Variants in CARD6 observed in about 807,000 individuals in gnomAD.
CARD6 encodes caspase recruitment domain family member 6.
A neutral mutation model predicts 23.6 loss-of-function variants in CARD6; 27 were observed. The ratio of observed to expected loss-of-function variants is 1.14; its 90% CI spans 0.84 to 1.58. CARD6 has a LOEUF of 1.58. Ranked by LOEUF, CARD6 falls within the 40% of genes most tolerant of loss-of-function variation. CARD6 has a pLI of 0.00. For synonymous variants in CARD6, 397 were observed against 431.8 expected (o/e 0.92, Z 1.00); for missense variants, 1,214 against 1,209.9 (o/e 1.00, Z -0.05).
intron 2 of CARD6, among the ~76,000 whole-genome samples, chr5:40,851,460 A>T (rs908197897): frequency 6.6e-6 from 1 of 152,184 alleles, no homozygotes; most frequent in South Asian, 2.1e-4. Context: ...CTAAAAACGA[A>T]GCTGACTTGC....
chr5:40,849,899 G>A (rs1469143486), intron 2 of CARD6, among the ~76,000 whole-genome samples: 2 of 151,976 alleles, frequency 1.3e-5, no homozygotes, highest in East Asian at 3.9e-4. Context: ...AGGATCACCT[G>A]AACCCAGGAA....
In CARD6 at chr5:40,853,894, C is replaced by T. The variant is rs1345365990; in HGVS notation, c.2562C>T (p.Ser854=). ...CCTCCAAGATAGGTCACTCCTATTC[C>T]CTGGATTCACAGCCAGCAAGAGCAG... is the stretch of plus-strand genomic sequence containing the variant. The part of the protein sequence containing the change: ...AVASKIGHSY[S]LDSQPARAVG... Residue 854 remains serine (S), a synonymous_variant, in exon 3 of 3, where the codon TCC becomes TCT. Coordinates refer to ENST00000254691, the MANE Select transcript of CARD6 (RefSeq NM_032587.4). 3.1e-6 allele frequency: 5 copies of T among 1,614,022 alleles called. No homozygotes were observed. In the African/African-American group the frequency reaches 6.7e-5, roughly 22 times the overall value.
At chr5:40,845,946 GGTT>G (rs1457791673) in intron 2 of CARD6, among the ~76,000 whole-genome samples, 1 of 151,934 alleles carries the variant, frequency 6.6e-6, no homozygotes, top group Non-Finnish European at 1.5e-5. Context: ...GTGATGAGGT[GGTT>G]GAAGGCTGGT....
intron 2 of CARD6, among the ~76,000 whole-genome samples, chr5:40,850,432 A>AAAAAAAAAAAC (rs1746044417): frequency 6.8e-6 from 1 of 146,142 alleles, no homozygotes; most frequent in African/African-American, 2.5e-5. Context: ...AAAAAAAAAA[A>AAAAAAAAAAAC]AGCCAGGCAC....
chr5:40,843,121 T>C (rs371287094), intron 1 of CARD6, 31 bp from the exon 2 acceptor site: 2 of 1,474,840 alleles, frequency 1.4e-6, no homozygotes, highest in East Asian at 2.3e-5. Context: ...TTCTTTTTCT[T>C]AATTGGGAAA....
In CARD6 at chr5:40,853,923, G is replaced by A. The variant is rs771407894; in HGVS notation, c.2591G>A (p.Gly864Glu). Reference sequence around the variant, plus strand: ...GATTCACAGCCAGCAAGAGCAGTAGGGAAGCCATGGCCTCAGCAAGCTTGC... The same window carrying A: ...GATTCACAGCCAGCAAGAGCAGTAGAGAAGCCATGGCCTCAGCAAGCTTGC... ...SLDSQPARAV[G>E]KPWPQQACTR... The change falls in exon 3 of 3, where the codon GGG becomes GAG. Residue 864 changes from glycine (G) to glutamate (E), a missense_variant. Coordinates refer to ENST00000254691, the MANE Select transcript of CARD6 (RefSeq NM_032587.4). The A allele has an allele frequency of 1.2e-6, 2 of 1,614,148 alleles. No homozygotes were observed. The highest frequency in any genetic ancestry group is 1.7e-5 in the Admixed American group (1 of 60,012).
In CARD6 at chr5:40,853,928, C is replaced by T. The variant is rs1313573917; in HGVS notation, c.2596C>T (p.Pro866Ser). The T allele has an allele frequency of 5.0e-6, 8 of 1,614,180 alleles. No homozygotes were observed. Among genetic ancestry groups the T allele is most frequent in the Non-Finnish European group, 6.8e-6 (8 of 1,180,038 alleles). The stretch of plus-strand genomic sequence containing the variant: ...ACAGCCAGCAAGAGCAGTAGGGAAG[C>T]CATGGCCTCAGCAAGCTTGCACCAG... ...DSQPARAVGK[P>S]WPQQACTRVT... The change falls in exon 3 of 3, where the codon CCA becomes TCA. Residue 866 changes from proline to serine, a missense_variant. By Grantham distance (74) the Pro-to-Ser change is moderately conservative. Transcript: ENST00000254691.
At chr5:40,851,046 A>G (rs1200162677) in intron 2 of CARD6, among the ~76,000 whole-genome samples, 1 of 152,166 alleles carries the variant, frequency 6.6e-6, no homozygotes, top group Non-Finnish European at 1.5e-5. Context: ...AAAAAAAAAT[A>G]GCATGGGCTG....
chr5:40,845,909 G>T (rs74866585), intron 2 of CARD6, among the ~76,000 whole-genome samples: 2 of 152,214 alleles, frequency 1.3e-5, no homozygotes, highest in East Asian at 3.9e-4. Flanking sequence ...AGTTCTGCTG[G>T]TCTTCCCTGG....
chr5:40,848,426 G>C (rs11952181), intron 2 of CARD6, among the ~76,000 whole-genome samples: 1 of 152,010 alleles, frequency 6.6e-6, no homozygotes, highest in African/African-American at 2.4e-5. Context: ...ATGTTGCCCA[G>C]GCTGGTTTTG....
rs1379901533 is a variant in CARD6, at chr5:40,852,340, A to C, written c.1008A>C (p.Arg336=). ...ATTTCCTGATGAAAGTTCAAGCACG[A>C]GATGTGACGGCTAGGGATTCAATCC... The part of the protein sequence containing the change: ...AWNFLMKVQA[R]DVTARDSILS... The change falls in exon 3 of 3, where the codon CGA becomes CGC. Residue 336 remains arginine, a synonymous_variant. Transcript: ENST00000254691. 6.2e-7 allele frequency: 1 copy of C among 1,614,140 alleles called. No individual in the cohort carries two copies. Among genetic ancestry groups the C allele is most frequent in the Admixed American group, 1.7e-5 (1 of 60,012 alleles).
intron 2 of CARD6, among the ~76,000 whole-genome samples, chr5:40,850,413 C>A (rs371446455): frequency 5.8e-3 from 214 of 36,588 alleles, no homozygotes; most frequent in South Asian, 0.016. Context: ...CACTCCATCT[C>A]AAAAAAAAAA....
rs1746139252 is a variant in CARD6 at position 40,854,011 on chromosome 5, G to C, written c.2679G>C (p.Lys893Asn). 2 of 1,614,056 alleles carry C rather than the reference G, an allele frequency of 1.2e-6. No individual in the cohort carries two copies. Among genetic ancestry groups the C allele is most frequent in the South Asian group, 1.1e-5 (1 of 91,090 alleles). ...TGATAAGAACATCCCATATTGGAAA[G>C]CCTCACCCTCAGTCCTTTCAACCAG... ...GKLIRTSHIG[K>N]PHPQSFQPAA... Residue 893 changes from lysine to asparagine, a missense_variant, in exon 3 of 3, where the codon AAG (lysine) becomes AAC (asparagine). Coordinates refer to ENST00000254691, the MANE Select transcript of CARD6 (RefSeq NM_032587.4).
chr5:40,851,435 A>AT (rs1746065153), intron 2 of CARD6, among the ~76,000 whole-genome samples: 1 of 152,194 alleles, frequency 6.6e-6, no homozygotes, highest in Admixed American at 6.5e-5. Context: ...ATACTGTACC[A>AT]TATTGATATC....
In CARD6 at chr5:40,854,359, C is replaced by T. The variant is rs148471623; in HGVS notation, c.3027C>T (p.Pro1009=). The change falls in exon 3 of 3, where the codon CCC becomes CCT. Residue 1009 remains proline (P), a synonymous_variant. Coordinates refer to ENST00000254691, the MANE Select transcript of CARD6 (RefSeq NM_032587.4). ...AGTCTAAGCCTTCTCAGCCCAGACC[C>T]CCTCAACCTAAGTCATCCTCAACCA... The part of the protein sequence containing the change: ...PPQSKPSQPR[P]PQPKSSSTNP... 3.7e-5 allele frequency: 60 copies of T among 1,614,056 alleles called. No individual in the cohort carries two copies. Among genetic ancestry groups the T allele is most frequent in the Non-Finnish European group, 4.9e-5 (58 of 1,180,032 alleles).
chr5:40,853,346 GGA>G lies in CARD6; in HGVS notation c.2017_2018del (p.Glu673LysfsTer7). 1 of 1,614,158 alleles carries G rather than the reference GGA, an allele frequency of 6.2e-7. No individual in the cohort carries two copies. The highest frequency in any genetic ancestry group is 1.1e-5 in the South Asian group (1 of 91,082). On this transcript the variant is annotated frameshift_variant, in exon 3 of 3. Coordinates refer to ENST00000254691, the MANE Select transcript of CARD6 (RefSeq NM_032587.4). LOFTEE classifies it low-confidence loss of function (END_TRUNC). ...CACTCAGAGAATTCAAGTTTCCTCT[GGA>G]GAAAACATGGCTGGGACAGCTGAAG... Reference protein sequence around the residue: ...ENTQRIQVSSGENMAGTAEGE... With the variant: ...ENTQRIQVSSXENMAGTAEGE...
chr5:40,853,806 A>C lies in CARD6; in HGVS notation c.2474A>C (p.His825Pro). ...AGACTGCCAAGACCCATTTGTCAGC[A>C]TGTACAGGCCTGCCCTGAGAGACCA... Reference protein sequence around the residue: ...FGRLPRPICQHVQACPERPQM... With the variant: ...FGRLPRPICQPVQACPERPQM... The change falls in exon 3 of 3, where the codon CAT (histidine) becomes CCT (proline). Residue 825 changes from histidine to proline, a missense_variant. By Grantham distance (77) the His-to-Pro change is moderately conservative. Coordinates refer to ENST00000254691, the MANE Select transcript of CARD6 (RefSeq NM_032587.4). The C allele has an allele frequency of 6.2e-7, 1 of 1,614,216 alleles. No homozygotes were observed. Among genetic ancestry groups the C allele is most frequent in the Non-Finnish European group, 8.5e-7 (1 of 1,180,030 alleles).
In CARD6 at chr5:40,853,159, T is replaced by G; in HGVS notation, c.1827T>G (p.Phe609Leu). Residue 609 changes from phenylalanine to leucine, a missense_variant, in exon 3 of 3, where the codon TTT becomes TTG. By Grantham distance (22) the Phe-to-Leu change is conservative (BLOSUM62 0). Transcript: ENST00000254691. ...ACTTGAAGCCAGCACAGCTACTGTT[T>G]TGGGAGAGGGGAGATGCTGGGGATA... ...ILNLKPAQLL[F>L]WERGDAGDRR... 1 of 1,614,128 alleles carries G rather than the reference T, an allele frequency of 6.2e-7. No homozygotes were observed. Among genetic ancestry groups the G allele is most frequent in the Non-Finnish European group, 8.5e-7 (1 of 1,180,004 alleles).
In CARD6 at chr5:40,853,030, C is replaced by G. The variant is rs891477870; in HGVS notation, c.1698C>G (p.Asp566Glu). 3 of 1,614,074 alleles carry G rather than the reference C, an allele frequency of 1.9e-6. No homozygotes were observed. The highest frequency in any genetic ancestry group is 2.2e-5 in the East Asian group (1 of 44,880). Reference protein sequence around the residue: ...FTDCLGEKEWDLLMFLGEAAI... With the variant: ...FTDCLGEKEWELLMFLGEAAI... ...ACTGTTTAGGTGAGAAGGAATGGGA[C>G]TTGCTAATGTTTTTAGGAGAGGCTG... The change falls in exon 3 of 3, where the codon GAC (aspartate) becomes GAG (glutamate). Residue 566 changes from aspartate to glutamate, a missense_variant. Asp to Glu is a conservative substitution (Grantham distance 45). Transcript: ENST00000254691.
Sources: gnomAD v4.1 joint callset for allele counts (sites outside exome capture counted in the v4.1 genomes callset) on GRCh38, gnomAD v4.1.1 for gene constraint, MANE v1.5 for transcripts, NCBI Gene and HGNC (gene_info 2026-07-23, HGNC 2026-07-21) for gene names.